SLK: variants seen among roughly 807,000 people sequenced by gnomAD.
SLK encodes STE20-like serine/threonine-protein kinase.
A neutral mutation model predicts 147.7 loss-of-function variants in SLK; 67 were observed. That is an observed-to-expected ratio of 0.45 (90% CI 0.37 to 0.56). The LOEUF (loss-of-function observed/expected upper bound fraction) is 0.56. Among genes scored for constraint, SLK ranks in the 20% least tolerant of loss-of-function variants. The pLI is 0.00. For missense variants in SLK, 1,136 were observed against 1,438.8 expected (o/e 0.79, Z 3.41); for synonymous variants, 441 against 475.0 (o/e 0.93, Z 0.93).
chr10:103,974,106 C>G (rs1294108314), intron 1 of SLK, among the ~76,000 whole-genome samples: 1 of 152,014 alleles, frequency 6.6e-6, no homozygotes, highest in Non-Finnish European at 1.5e-5. Flanking sequence ...TTGCTGTGCT[C>G]TTGGTTGGTC....
rs949349957 is a variant in SLK, at chr10:104,028,102, G to A, written c.*2382G>A. The A allele has an allele frequency of 6.6e-6, 1 of 152,222 alleles. No homozygotes were observed. Among genetic ancestry groups the A allele is most frequent in the African/African-American group, 2.4e-5 (1 of 41,444 alleles). 9.4% of individuals were successfully genotyped at this position (152,222 alleles called of 1,614,324 possible). A position where few individuals can be genotyped will look rare whatever the true frequency, so the allele number is the denominator to read the frequency against. ...TCTTCTGAGGCCCTGTATTCAAATA[G>A]ATGATAGTGATCTATCTTTCCTGCA... On this transcript the variant is annotated 3_prime_UTR_variant, in exon 19 of 19. Transcript: ENST00000369755.
At chr10:103,987,964 A>G (rs1326405514) in intron 1 of SLK, among the ~76,000 whole-genome samples, 2 of 152,226 alleles carry the variant, frequency 1.3e-5, no homozygotes, top group Non-Finnish European at 2.9e-5. Context: ...GGAGAAAAGC[A>G]TAGACATTTA....
Position 104,028,497 on chromosome 10 carries a change from T to C in SLK, c.*2777T>C, listed in dbSNP as rs937499643. On this transcript the variant is annotated 3_prime_UTR_variant, in exon 19 of 19. Coordinates refer to ENST00000369755, the MANE Select transcript of SLK (RefSeq NM_014720.4). The stretch of plus-strand genomic sequence containing the variant: ...AGCTATAGGGTGGGTAAGGAAAAAA[T>C]GTTGAATGCTTTTACTTTGCTGAAA... 2.0e-5 allele frequency: 3 copies of C among 152,204 alleles called. No individual in the cohort carries two copies. The highest frequency in any genetic ancestry group is 4.4e-5 in the Non-Finnish European group (3 of 68,046). 9.4% of individuals were successfully genotyped at this position (152,204 alleles called of 1,614,324 possible). A position where few individuals can be genotyped will look rare whatever the true frequency, so the allele number is the denominator to read the frequency against.
In SLK at chr10:104,001,502, A is replaced by G; in HGVS notation, c.923A>G (p.Lys308Arg). The G allele has an allele frequency of 6.2e-7, 1 of 1,614,112 alleles. No homozygotes were observed. The highest frequency in any genetic ancestry group is 8.5e-7 in the Non-Finnish European group (1 of 1,179,964). Reference protein sequence around the residue: ...KPIRELIAEAKAEVTEEVEDG... With the variant: ...KPIRELIAEARAEVTEEVEDG... ...ATCCGAGAATTGATTGCAGAGGCGA[A>G]GGCTGAAGTAACAGAAGAAGTTGAA... Residue 308 changes from lysine to arginine, a missense_variant, in exon 8 of 19, where the codon AAG becomes AGG. Transcript: ENST00000369755.
Position 103,967,761 on chromosome 10 carries a change from T to A in SLK, c.16T>A (p.Phe6Ile). The change falls in exon 1 of 19, where the codon TTC (phenylalanine) becomes ATC (isoleucine). Residue 6 changes from phenylalanine to isoleucine, a missense_variant. Phe to Ile is a conservative substitution (Grantham distance 21). Transcript: ENST00000369755. ...GGGAGGAAAAATGTCCTTCTTCAAT[T>A]TCCGTAAGATCTTCAAGTTGGGGAG... MSFFNFRKIFKLGSEK... is the reference protein window; with the variant it reads MSFFNIRKIFKLGSEK... 1 of 1,614,040 alleles carries A rather than the reference T, an allele frequency of 6.2e-7. No individual in the cohort carries two copies. Among genetic ancestry groups the A allele is most frequent in the Non-Finnish European group, 8.5e-7 (1 of 1,179,932 alleles).
At chr10:103,977,934 G>A (rs1177748568) in intron 1 of SLK, among the ~76,000 whole-genome samples, 1 of 152,042 alleles carries the variant, frequency 6.6e-6, no homozygotes, top group Non-Finnish European at 1.5e-5. Context: ...AGATTCTACA[G>A]CTGTTCATAT....
intron 2 of SLK, among the ~76,000 whole-genome samples, chr10:103,992,158 T>TTTTTTTTTTTTC: frequency 6.7e-6 from 1 of 148,276 alleles, no homozygotes. Context: ...TTTTTTTTTT[T>TTTTTTTTTTTTC]TCTAAAAGAA....
chr10:103,987,875 A>G (rs1437139646), intron 1 of SLK, among the ~76,000 whole-genome samples: 1 of 152,214 alleles, frequency 6.6e-6, no homozygotes, highest in African/African-American at 2.4e-5. Flanking sequence ...GAAAGGGTAT[A>G]GAGGAGGCAA....
intron 18 of SLK, among the ~76,000 whole-genome samples, chr10:104,022,581 G>A (rs765842341): frequency 3.9e-5 from 6 of 152,226 alleles, no homozygotes; most frequent in Non-Finnish European, 7.3e-5. Context: ...CAAAGGAAGT[G>A]AAATGACTAA....
chr10:104,013,846 C>T (rs1051830750), intron 13 of SLK, among the ~76,000 whole-genome samples: 2 of 152,144 alleles, frequency 1.3e-5, no homozygotes, highest in African/African-American at 4.8e-5. Context: ...TAGTGATAAC[C>T]TGACTTTAGA....
At chr10:104,020,844 C>T (rs1038833588) in intron 17 of SLK, among the ~76,000 whole-genome samples, 8 of 152,056 alleles carry the variant, frequency 5.3e-5, no homozygotes, top group Admixed American at 1.3e-4. Flanking sequence ...TTGTAACCTA[C>T]GAAATTGAGT....
intron 13 of SLK, 138 bp from the exon 14 acceptor site, chr10:104,018,022 T>C: frequency 1.6e-6 from 1 of 618,640 alleles, no homozygotes. Context: ...CTATATAATT[T>C]TAGTGATTTT....
intron 1 of SLK, among the ~76,000 whole-genome samples, chr10:103,968,970 ACTT>A (rs750460849): frequency 6.6e-6 from 1 of 151,348 alleles, no homozygotes; most frequent in Non-Finnish European, 1.5e-5. Context: ...TTTGCCTACT[ACTT>A]TCTTTTTTTT....
At chr10:103,979,328 T>C (rs1843911184) in intron 1 of SLK, among the ~76,000 whole-genome samples, 1 of 152,230 alleles carries the variant, frequency 6.6e-6, no homozygotes, top group Non-Finnish European at 1.5e-5. Flanking sequence ...AGATATTTTA[T>C]TTTTGCTTGT....
intron 1 of SLK, among the ~76,000 whole-genome samples, chr10:103,974,274 A>T (rs1349178586): frequency 6.6e-6 from 1 of 151,792 alleles, no homozygotes; most frequent in Non-Finnish European, 1.5e-5. Context: ...ATCTTACTTG[A>T]CCTGTCATTA....
intron 11 of SLK, among the ~76,000 whole-genome samples, 192 bp from the exon 12 acceptor site, chr10:104,007,985 A>G (rs1219601179): frequency 1.3e-5 from 2 of 152,098 alleles, no homozygotes; most frequent in Non-Finnish European, 2.9e-5. Flanking sequence ...TTTCCATGTT[A>G]GAAAAAAAGA....
chr10:104,008,947 G>A (rs967146300), intron 12 of SLK, among the ~76,000 whole-genome samples: 6 of 152,210 alleles, frequency 3.9e-5, no homozygotes, highest in East Asian at 3.9e-4. Context: ...GAGGTACTTC[G>A]AAGAACTAGA....
Position 104,027,113 on chromosome 10 carries a change from A to T in SLK, c.*1393A>T, listed in dbSNP as rs1342258090. 1 of 152,284 alleles carries T rather than the reference A, an allele frequency of 6.6e-6. No homozygotes were observed. The highest frequency in any genetic ancestry group is 2.4e-5 in the African/African-American group (1 of 41,442). 9.4% of individuals were successfully genotyped at this position (152,284 alleles called of 1,614,324 possible). ...ATTGTGAAAGTTTGTTTTCAGTTAT[A>T]TTACTTTTGAGGCTGGTGAAAAATT... is the stretch of plus-strand genomic sequence containing the variant. On this transcript the variant is annotated 3_prime_UTR_variant, in exon 19 of 19. Coordinates refer to ENST00000369755, the MANE Select transcript of SLK (RefSeq NM_014720.4).
In SLK at chr10:104,020,537, A is replaced by C; in HGVS notation, c.3371A>C (p.His1124Pro). ...KRQKNERMAQ[H>P]QKHENQMRDL... ...CAGAAAAATGAGAGAATGGCTCAGC[A>C]TCAGAAACATGAGAATCAAATGCGA... The change falls in exon 17 of 19, where the codon CAT (histidine) becomes CCT (proline). Residue 1124 changes from histidine to proline, a missense_variant. His to Pro is a moderately conservative substitution (Grantham distance 77, BLOSUM62 -2). Coordinates refer to ENST00000369755, the MANE Select transcript of SLK (RefSeq NM_014720.4). The C allele has an allele frequency of 6.2e-7, 1 of 1,614,004 alleles. No individual in the cohort carries two copies. The highest frequency in any genetic ancestry group is 8.5e-7 in the Non-Finnish European group (1 of 1,179,938).
Sources: gnomAD v4.1 joint callset for allele counts (sites outside exome capture counted in the v4.1 genomes callset) on GRCh38, gnomAD v4.1.1 for gene constraint, MANE v1.5 for transcripts, NCBI Gene and HGNC (gene_info 2026-07-23, HGNC 2026-07-21) for gene names.